The following ZNF100 variants were observed in gnomAD, a reference collection of about 807,000 sequenced individuals.
The protein encoded by ZNF100 is zinc finger protein 100, also known as zinc finger protein 100 (Y1).
ZNF100 carries 12 observed loss-of-function variants against 15.8 expected under a neutral mutation model. The ratio of observed to expected loss-of-function variants is 0.76; its 90% CI spans 0.49 to 1.23. The LOEUF is 1.23. Ranked by LOEUF, ZNF100 falls within the 50% of genes most tolerant of loss-of-function variation. The pLI, the probability that ZNF100 is intolerant of heterozygous loss-of-function variation, is 0.00. For synonymous variants in ZNF100, 226 were observed against 214.8 expected, an observed-to-expected ratio of 1.05 and a Z score of -0.45; for missense variants, 670 against 635.6, an observed-to-expected ratio of 1.05 and a Z score of -0.58.
chr19:21,726,811 T>C lies in ZNF100; in HGVS notation c.1501A>G (p.Thr501Ala). 2.5e-6 allele frequency: 4 copies of C among 1,613,884 alleles called. No homozygotes were observed. The highest frequency in any genetic ancestry group is 2.5e-6 in the Non-Finnish European group (3 of 1,179,860). Reference sequence around the variant, plus strand: ...CCAGTATGAGTTATCTTATGTTTAGTAAGGGTTGAGGATCGGTTAAAAGCT... The same window carrying C: ...CCAGTATGAGTTATCTTATGTTTAGCAAGGGTTGAGGATCGGTTAAAAGCT... ...GKAFNRSSTL[T>A]KHKITHTGEK... Residue 501 changes from threonine to alanine, a missense_variant, in exon 5 of 5, where the codon ACT becomes GCT. Coordinates refer to ENST00000358296, the MANE Select transcript of ZNF100 (RefSeq NM_173531.4).
Position 21,752,686 on chromosome 19 carries a change from T to C in ZNF100, c.97-7619A>G, listed in dbSNP as rs143713021. ...TAAATAAATGTATTAAAAGATATTT[T>C]CATAATGCCAATGAACATGGTGGTT... On this transcript the variant is annotated intron_variant, in intron 2 of 4. Transcript: ENST00000358296. 7.9e-3 allele frequency: 1,200 copies of C among 152,506 alleles called. 18 individuals carry two copies. Among genetic ancestry groups the C allele is most frequent in the African/African-American group, 0.027 (1,122 of 41,570 alleles). The allele number at this position is 152,506 out of a possible 1,614,324, so 9.4% of individuals were successfully genotyped here.
chr19:21,763,572 G>A (rs1209729991), intron 2 of ZNF100, among the ~76,000 whole-genome samples: 1 of 151,896 alleles, frequency 6.6e-6, no homozygotes, highest in Non-Finnish European at 1.5e-5. Flanking sequence ...CCTGGCGACA[G>A]AGTAAGACTC....
chr19:21,752,396 T>G (rs2036323319), intron 2 of ZNF100: 1 of 152,700 alleles, frequency 6.5e-6, no homozygotes, highest in African/African-American at 2.4e-5. Context: ...AGGAGCAGAC[T>G]GCAGCATTGT....
chr19:21,761,606 T>C (rs1883112996), intron 2 of ZNF100, among the ~76,000 whole-genome samples: 1 of 152,202 alleles, frequency 6.6e-6, no homozygotes, highest in Non-Finnish European at 1.5e-5. Context: ...AAAAGGCCTA[T>C]GTGAAAAATA....
At chr19:21,748,944 G>C (rs751354611) in intron 2 of ZNF100, among the ~76,000 whole-genome samples, 1 of 152,186 alleles carries the variant, frequency 6.6e-6, no homozygotes, top group Non-Finnish European at 1.5e-5. Flanking sequence ...AACCTCAGGT[G>C]ATCCGCCTGC....
chr19:21,765,816 A>C, intron 1 of ZNF100, 30 bp from the exon 2 acceptor site: 1 of 1,589,310 alleles, frequency 6.3e-7, no homozygotes, highest in Non-Finnish European at 8.6e-7. Context: ...AGAAGCTGAC[A>C]TTCACTAGGC....
chr19:21,759,673 G>A (rs1381711611), intron 2 of ZNF100, among the ~76,000 whole-genome samples: 2 of 152,202 alleles, frequency 1.3e-5, no homozygotes, highest in Non-Finnish European at 2.9e-5. Context: ...CCAAGATGGT[G>A]ATGAGAGTGT....
intron 2 of ZNF100, among the ~76,000 whole-genome samples, chr19:21,754,847 T>C (rs1457416666): frequency 6.6e-6 from 1 of 152,128 alleles, no homozygotes; most frequent in Non-Finnish European, 1.5e-5. Context: ...ATCATCAGAA[T>C]GAACAGACAA....
chr19:21,745,966 A>C (rs1413365306), intron 2 of ZNF100, among the ~76,000 whole-genome samples: 1 of 152,190 alleles, frequency 6.6e-6, no homozygotes, highest in Non-Finnish European at 1.5e-5. Flanking sequence ...TCATTTTCCA[A>C]AGACAGCTAC....
In ZNF100 at chr19:21,724,288, G is replaced by A. The variant is rs769126829; in HGVS notation, c.*2395C>T. 9 of 151,758 alleles carry A rather than the reference G, an allele frequency of 5.9e-5. No individual in the cohort carries two copies. The highest frequency in any genetic ancestry group is 1.3e-4 in the Non-Finnish European group (9 of 67,922). 9.4% of individuals were successfully genotyped at this position (151,758 alleles called of 1,614,324 possible). A position where few individuals can be genotyped will look rare whatever the true frequency, so the allele number is the denominator to read the frequency against. ...TTTGTTCAGTATTGCTTTTTTCTTC[G>A]GAAAACAGGTACAAATTCATACACA... On this transcript the variant is annotated 3_prime_UTR_variant, in exon 5 of 5. Transcript: ENST00000358296.
At chr19:21,739,724 T>C (rs1340409563) in intron 4 of ZNF100, among the ~76,000 whole-genome samples, 1 of 152,066 alleles carries the variant, frequency 6.6e-6, no homozygotes, top group Non-Finnish European at 1.5e-5. Context: ...CCTGTAATAC[T>C]ACCATTTTGG....
Position 21,767,311 on chromosome 19 carries a change from A to C in ZNF100, c.3+116T>G, listed in dbSNP as rs542043048. 1.9e-6 allele frequency: 3 copies of C among 1,568,240 alleles called. No individual in the cohort carries two copies. The East Asian group carries it at 6.8e-5, about 35-fold the overall frequency. On this transcript the variant is annotated intron_variant, in intron 1 of 4. Coordinates refer to ENST00000358296, the MANE Select transcript of ZNF100 (RefSeq NM_173531.4). The stretch of plus-strand genomic sequence containing the variant: ...GAAGGGGACGGAGGCCGAGCTGGGC[A>C]AGGCGCAGATTGTGAAGCTGACTGC...
chr19:21,754,899 C>A (rs1324315474), intron 2 of ZNF100, among the ~76,000 whole-genome samples: 2 of 152,234 alleles, frequency 1.3e-5, no homozygotes, highest in African/African-American at 4.8e-5. Context: ...ACCCATCTGA[C>A]AAAGGTCTAA....
chr19:21,763,772 A>G (rs2036518212), intron 2 of ZNF100, among the ~76,000 whole-genome samples: 1 of 152,050 alleles, frequency 6.6e-6, no homozygotes, highest in African/African-American at 2.4e-5. Flanking sequence ...TCAATCTCCA[A>G]CTGCCATTCC....
At chr19:21,745,161 A>G in intron 2 of ZNF100, 94 bp from the exon 3 acceptor site, 1 of 1,517,548 alleles carries the variant, frequency 6.6e-7, no homozygotes, top group East Asian at 2.3e-5. Context: ...CAGAGCAAAG[A>G]GAATTGGTTC....
At chr19:21,738,450 T>C (rs945995715) in intron 4 of ZNF100, among the ~76,000 whole-genome samples, 1 of 151,964 alleles carries the variant, frequency 6.6e-6, no homozygotes, top group Non-Finnish European at 1.5e-5. Context: ...AGCCTGGCAC[T>C]GGTATAAAAA....
chr19:21,765,431 C>T lies in ZNF100; in HGVS notation c.96+263G>A, dbSNP rs188265940. ...CCCCAGGTGCATTTTACTTTGCAAG[C>T]TCTTACACCATCTCACTGGGGTCAG... On this transcript the variant is annotated intron_variant, in intron 2 of 4. Transcript: ENST00000358296. 7.2e-5 allele frequency among the ~76,000 whole-genome samples: 11 copies of T among 152,304 alleles called. No homozygotes were observed. The East Asian group carries it at 2.1e-3, about 29-fold the overall frequency.
intron 4 of ZNF100, among the ~76,000 whole-genome samples, chr19:21,732,604 A>C (rs2035938690): frequency 6.6e-6 from 1 of 150,728 alleles, no homozygotes; most frequent in African/African-American, 2.4e-5. Flanking sequence ...CATACCTTAA[A>C]ATACATAACA....
At chr19:21,744,899 C>T (rs547076143) in intron 3 of ZNF100, 42 bp downstream of exon 3, 7 of 1,586,848 alleles carry the variant, frequency 4.4e-6, no homozygotes, top group Middle Eastern at 1.7e-4. Context: ...AAAGAGAAAC[C>T]TTTACGGTAT....
Sources: gnomAD v4.1 joint callset for allele counts (sites outside exome capture counted in the v4.1 genomes callset) on GRCh38, gnomAD v4.1.1 for gene constraint, MANE v1.5 for transcripts, NCBI Gene and HGNC (gene_info 2026-07-23, HGNC 2026-07-21) for gene names.